The following TNRC6B variants were observed in gnomAD, a reference collection of about 807,000 sequenced individuals.
TNRC6B encodes trinucleotide repeat-containing gene 6B protein.
In TNRC6B, 52 loss-of-function variants were observed where a neutral mutation model predicts 203.6. The ratio of observed to expected loss-of-function variants is 0.26; its 90% CI spans 0.20 to 0.32. The LOEUF is 0.32. Among genes scored for constraint, TNRC6B ranks in the 10% least tolerant of loss-of-function variants. TNRC6B has a pLI of 1.00. For synonymous variants in TNRC6B, 838 were observed against 845.7 expected (o/e 0.99, Z 0.16); for missense variants, 1,923 against 2,286.2 (o/e 0.84, Z 3.24).
intron 1 of TNRC6B, among the ~76,000 whole-genome samples, chr22:40,189,500 A>C (rs1056297746): frequency 2.4e-4 from 15 of 63,480 alleles, no homozygotes; most frequent in African/African-American, 1.8e-3. Flanking sequence ...TGTCTGCCCA[A>C]AAAAAAAAAA....
chr22:40,167,659 T>C (rs2068931385), intron 4 of TNRC6B, among the ~76,000 whole-genome samples: 1 of 141,418 alleles, frequency 7.1e-6, no homozygotes, highest in African/African-American at 2.7e-5. Flanking sequence ...GTGGGAGGGT[T>C]GTTTGAACCC....
chr22:40,225,919 G>C (rs1203935554), intron 1 of TNRC6B, among the ~76,000 whole-genome samples: 2 of 152,144 alleles, frequency 1.3e-5, no homozygotes, highest in African/African-American at 4.8e-5. Context: ...CATTTTAAAT[G>C]GAACTGGGCA....
intron 18 of TNRC6B, 80 bp downstream of exon 18, chr22:40,312,731 C>A: frequency 6.5e-7 from 1 of 1,536,484 alleles, no homozygotes; most frequent in South Asian, 1.2e-5. Flanking sequence ...TTTGTACTTG[C>A]TGGTACCTAA....
rs2071171437 is a variant in TNRC6B at position 40,310,998 on chromosome 22, T to C, written c.4435+5T>C. 6.2e-7 allele frequency: 1 copy of C among 1,602,616 alleles called. No homozygotes were observed. Among genetic ancestry groups the C allele is most frequent in the Non-Finnish European group, 8.5e-7 (1 of 1,175,280 alleles). On this transcript the variant is annotated splice_donor_5th_base_variant and intron_variant, in intron 17 of 22. Coordinates refer to ENST00000454349, the MANE Select transcript of TNRC6B (RefSeq NM_001162501.2). ...GCAATGCCAGTTGGCCTCCAGGTATTGTCTAGGAAATGCTTTTCCCAGGAT... is the reference window on the plus strand; with the variant it reads ...GCAATGCCAGTTGGCCTCCAGGTATCGTCTAGGAAATGCTTTTCCCAGGAT...
chr22:40,103,767 C>T (rs1042499374), intron 1 of TNRC6B, among the ~76,000 whole-genome samples: 4 of 149,184 alleles, frequency 2.7e-5, no homozygotes, highest in Non-Finnish European at 4.5e-5. Flanking sequence ...CTCAGCCTCC[C>T]GAGTGACTGG....
rs1449701624 is a variant in TNRC6B at position 40,312,807 on chromosome 22, C to A, written c.4583-95C>A. 4 of 1,463,420 alleles carry A rather than the reference C, an allele frequency of 2.7e-6. No homozygotes were observed. The Admixed American group carries it at 7.3e-5, about 27-fold the overall frequency. The allele number at this position is 1,463,420 out of a possible 1,614,324, so 90.7% of individuals were successfully genotyped here. The stretch of plus-strand genomic sequence containing the variant: ...TATTTGTTAGACATATTTTGTCCTC[C>A]ATTCTATTGAAGTTTAAACAAAATA... On this transcript the variant is annotated intron_variant, in intron 18 of 22. Coordinates refer to ENST00000454349, the MANE Select transcript of TNRC6B (RefSeq NM_001162501.2).
intron 12 of TNRC6B, among the ~76,000 whole-genome samples, chr22:40,292,408 C>T (rs576616382): frequency 6.6e-6 from 1 of 151,924 alleles, no homozygotes; most frequent in Admixed American, 6.6e-5. Flanking sequence ...TACAAATATT[C>T]CGGGCCTTGG....
chr22:40,309,423 TATAA>T (rs2071140636), intron 16 of TNRC6B, among the ~76,000 whole-genome samples: 1 of 152,270 alleles, frequency 6.6e-6, no homozygotes, highest in Non-Finnish European at 1.5e-5. Context: ...AGGTTTCCTT[TATAA>T]ACCACTCTTT....
At position 40,119,951 on chromosome 22, in the gene TNRC6B, A is replaced by G. The variant is rs546721502; in HGVS notation, c.-47+2823A>G. Reference sequence around the variant, plus strand: ...TGAAAACTAAGGACAGCTCCAAAACAACAAAAAATGAGAGCAAGTGAAATA... The same window carrying G: ...TGAAAACTAAGGACAGCTCCAAAACGACAAAAAATGAGAGCAAGTGAAATA... On this transcript the variant is annotated intron_variant, in intron 2 of 23. Coordinates refer to the TNRC6B transcript ENST00000301923. 5.3e-5 allele frequency among the ~76,000 whole-genome samples: 8 copies of G among 152,366 alleles called. No homozygotes were observed. The South Asian group carries it at 1.7e-3, about 32-fold the overall frequency.
At chr22:40,241,878 T>A (rs1260255764) in intron 1 of TNRC6B, among the ~76,000 whole-genome samples, 1 of 152,342 alleles carries the variant, frequency 6.6e-6, no homozygotes, top group Admixed American at 6.5e-5. Flanking sequence ...TTACTATAAT[T>A]ACTTATTTTG....
At chr22:40,252,482 A>G (rs1349700916) in intron 3 of TNRC6B, among the ~76,000 whole-genome samples, 1 of 152,250 alleles carries the variant, frequency 6.6e-6, no homozygotes, top group Non-Finnish European at 1.5e-5. Flanking sequence ...CACAATGATG[A>G]AAGAGTAATA....
At chr22:40,153,267 A>G (rs1483365856) in intron 3 of TNRC6B, among the ~76,000 whole-genome samples, 1 of 152,186 alleles carries the variant, frequency 6.6e-6, no homozygotes, top group Non-Finnish European at 1.5e-5. Flanking sequence ...TAAACTGTAA[A>G]AGAGACAGAG....
At chr22:40,178,381 AT>A (rs1417932331) in intron 1 of TNRC6B, among the ~76,000 whole-genome samples, 2 of 152,174 alleles carry the variant, frequency 1.3e-5, no homozygotes, top group African/African-American at 4.8e-5. Flanking sequence ...GTATATGCAG[AT>A]TTTCATCATC....
intron 1 of TNRC6B, among the ~76,000 whole-genome samples, chr22:40,059,832 TTTTC>T (rs1179810091): frequency 4.0e-5 from 6 of 149,848 alleles, no homozygotes; most frequent in African/African-American, 1.2e-4. Context: ...TTTTTTTTTT[TTTTC>T]CCCCCGAGAC....
chr22:40,089,580 A>G (rs1601808902), intron 1 of TNRC6B, among the ~76,000 whole-genome samples: 1 of 152,120 alleles, frequency 6.6e-6, no homozygotes, highest in East Asian at 1.9e-4. Flanking sequence ...CAGTAAAATT[A>G]AGCAGAAAGT....
At chr22:40,163,908 G>A (rs975631385) in intron 4 of TNRC6B, among the ~76,000 whole-genome samples, 18 of 152,188 alleles carry the variant, frequency 1.2e-4, no homozygotes, top group African/African-American at 4.3e-4. Flanking sequence ...AAAGCTTTAT[G>A]CTAGATCTTC....
chr22:40,156,106 C>T, intron 3 of TNRC6B: 2 of 1,572,020 alleles, frequency 1.3e-6, no homozygotes, highest in Non-Finnish European at 1.7e-6. Flanking sequence ...GTGGTGCTTG[C>T]CTTTGCAGGT....
chr22:40,331,235 G>C lies in TNRC6B; in HGVS notation c.*7994G>C, dbSNP rs778782804. On this transcript the variant is annotated 3_prime_UTR_variant, in exon 23 of 23. Transcript: ENST00000454349. ...ATCACGTTGCTGTTGATGCAAACAG[G>C]GTATTACACACAAGGAAAAGGGGTT... 6.6e-6 allele frequency: 1 copy of C among 152,174 alleles called. No homozygotes were observed. The highest frequency in any genetic ancestry group is 1.5e-5 in the Non-Finnish European group (1 of 68,410). The allele number at this position is 152,174 out of a possible 1,614,324, so 9.4% of individuals were successfully genotyped here. A position where few individuals can be genotyped will look rare whatever the true frequency, so the allele number is the denominator to read the frequency against.
At chr22:40,103,267 C>CA (rs781514140) in intron 1 of TNRC6B, among the ~76,000 whole-genome samples, 8,362 of 124,376 alleles carry the variant, frequency 0.067, 799 homozygotes, top group African/African-American at 0.22. Context: ...CACCCTGTCT[C>CA]AAAAAAAAAA....
Sources: allele counts gnomAD v4.1 joint callset (sites outside exome capture counted in the v4.1 genomes callset), GRCh38; gene constraint gnomAD v4.1.1; transcripts MANE v1.5; gene names NCBI Gene and HGNC (gene_info 2026-07-23, HGNC 2026-07-21).